SFXN2: variants seen among roughly 807,000 people sequenced by gnomAD.
SFXN2 encodes the protein sideroflexin 2.
Under a neutral mutation model 41.9 loss-of-function variants are expected in SFXN2, and 37 were observed. The observed-to-expected ratio is 0.88, with a 90% CI of 0.68 to 1.16. The LOEUF is 1.16. SFXN2 is among the 50% of genes most tolerant of loss of function. The probability of loss-of-function intolerance (pLI) is 0.00; values close to 1 mark genes in which losing one functional copy is unlikely to be tolerated. For synonymous variants in SFXN2, 150 were observed against 156.7 expected (o/e 0.96, Z 0.32); for missense variants, 386 against 425.2 (o/e 0.91, Z 0.81).
chr10:102,737,390 A>G (rs978264443), intron 11 of SFXN2, among the ~76,000 whole-genome samples: 7 of 152,130 alleles, frequency 4.6e-5, no homozygotes, highest in African/African-American at 1.7e-4. Context: ...CTCTAGTTCA[A>G]TACTACTTCC....
intron 8 of SFXN2, 140 bp downstream of exon 8, chr10:102,732,358 G>A: frequency 1.5e-6 from 1 of 689,096 alleles, no homozygotes; most frequent in East Asian, 2.6e-5. Context: ...ATTGCTGTAA[G>A]CCTAGAAGAA....
At chr10:102,737,046 T>C (rs934686439) in intron 11 of SFXN2, among the ~76,000 whole-genome samples, 6 of 151,882 alleles carry the variant, frequency 4.0e-5, no homozygotes, top group African/African-American at 1.4e-4. Flanking sequence ...CCCAGCTACT[T>C]GGGAAGCTGA....
At chr10:102,721,996 C>T (rs759322629) in intron 1 of SFXN2, among the ~76,000 whole-genome samples, 32 of 152,168 alleles carry the variant, frequency 2.1e-4, no homozygotes, top group Non-Finnish European at 3.7e-4. Context: ...TTGAGCCCTA[C>T]CTCTTCTTGC....
chr10:102,728,356 G>T, intron 3 of SFXN2, 75 bp from the exon 4 acceptor site: 1 of 1,150,102 alleles, frequency 8.7e-7, no homozygotes, highest in Non-Finnish European at 1.3e-6. Context: ...CAGATCATGT[G>T]CTTTGACTGG....
chr10:102,729,891 G>A, intron 6 of SFXN2, 83 bp downstream of exon 6: 1 of 1,476,238 alleles, frequency 6.8e-7, no homozygotes, highest in Non-Finnish European at 9.4e-7. Context: ...GGTGGCTTCT[G>A]GGGACTGCGG....
At chr10:102,730,419 T>G (rs568185537) in intron 6 of SFXN2, among the ~76,000 whole-genome samples, 6 of 152,372 alleles carry the variant, frequency 3.9e-5, no homozygotes, top group African/African-American at 1.4e-4. Flanking sequence ...TGTTCACTGT[T>G]ATTTCTACCA....
intron 5 of SFXN2, 47 bp downstream of exon 5, chr10:102,729,441 G>C: frequency 6.3e-7 from 1 of 1,599,402 alleles, no homozygotes; most frequent in African/African-American, 1.3e-5. Context: ...GGGGGCAGCA[G>C]AGTCCTAGGG....
chr10:102,735,055 C>T (rs2064754657), intron 10 of SFXN2, among the ~76,000 whole-genome samples: 1 of 151,848 alleles, frequency 6.6e-6, no homozygotes, highest in Admixed American at 6.6e-5. Flanking sequence ...ACTCACTCCT[C>T]CCCCTCCATA....
chr10:102,726,070 C>G (rs2064587781), intron 1 of SFXN2, among the ~76,000 whole-genome samples: 1 of 152,114 alleles, frequency 6.6e-6, no homozygotes, highest in South Asian at 2.1e-4. Context: ...CTGCCTCAGC[C>G]TCCTGAGTAG....
chr10:102,720,864 C>G (rs898200682), intron 1 of SFXN2, among the ~76,000 whole-genome samples: 1 of 152,176 alleles, frequency 6.6e-6, no homozygotes, highest in African/African-American at 2.4e-5. Flanking sequence ...ACACCATCTT[C>G]CAGCTCTTCA....
chr10:102,720,610 C>CAA (rs71474576), intron 1 of SFXN2, among the ~76,000 whole-genome samples: 5 of 127,892 alleles, frequency 3.9e-5, no homozygotes, highest in Non-Finnish European at 3.4e-5. Flanking sequence ...GACCCTGTCT[C>CAA]AAAAAAAAAA....
At position 102,739,077 on chromosome 10, in the gene SFXN2, A is replaced by G. The variant is rs1225863285; in HGVS notation, c.*1315A>G. 1.3e-5 allele frequency: 2 copies of G among 152,428 alleles called. No individual in the cohort carries two copies. The highest frequency in any genetic ancestry group is 4.8e-5 in the African/African-American group (2 of 41,446). 9.4% of individuals were successfully genotyped at this position (152,428 alleles called of 1,614,324 possible). A position where few individuals can be genotyped will look rare whatever the true frequency, so the allele number is the denominator to read the frequency against. On this transcript the variant is annotated 3_prime_UTR_variant, in exon 12 of 12. Transcript: ENST00000369893. ...GCTCCTTGGGGGACTGTTGTTTCTC[A>G]TCTGGAATCAATGTGTGTATGAGTT...
chr10:102,720,352 G>A (rs1223382270), intron 1 of SFXN2, among the ~76,000 whole-genome samples: 1 of 147,428 alleles, frequency 6.8e-6, no homozygotes, highest in African/African-American at 2.5e-5. Context: ...GCTCACTCCT[G>A]TAATCCCAGC....
rs768005944 is a variant in SFXN2, at chr10:102,729,286, G to T, written c.432-33G>T. 1.9e-6 allele frequency: 3 copies of T among 1,609,960 alleles called. No homozygotes were observed. The South Asian group carries it at 3.3e-5, about 18-fold the overall frequency. On this transcript the variant is annotated intron_variant, in intron 4 of 11. Transcript: ENST00000369893. ...GTGGTTTGGCCCTCAGCCGGCAGGG[G>T]CCCCACTCCCAAGCATCTCTCTCCT...
At chr10:102,737,132 C>T (rs1194837546) in intron 11 of SFXN2, among the ~76,000 whole-genome samples, 1 of 151,860 alleles carries the variant, frequency 6.6e-6, no homozygotes, top group Non-Finnish European at 1.5e-5. Context: ...CCAGCCTGGG[C>T]AACAAGAGTG....
intron 6 of SFXN2, 125 bp from the exon 7 acceptor site, chr10:102,731,598 G>T (rs997548482): frequency 1.9e-5 from 14 of 732,984 alleles, no homozygotes; most frequent in Admixed American, 1.3e-4. Context: ...AAGGTCAAAG[G>T]CCCAGGCTAC....
intron 3 of SFXN2, among the ~76,000 whole-genome samples, chr10:102,728,221 C>T (rs932066048): frequency 6.6e-6 from 1 of 152,120 alleles, no homozygotes; most frequent in African/African-American, 2.4e-5. Context: ...ATTGCTTGAA[C>T]CTGGGAGGCG....
At chr10:102,720,537 G>T (rs1266161486) in intron 1 of SFXN2, among the ~76,000 whole-genome samples, 1 of 151,864 alleles carries the variant, frequency 6.6e-6, no homozygotes, top group East Asian at 1.9e-4. Flanking sequence ...GAGCCTGGGA[G>T]GTGGAGGCTG....
Position 102,726,676 on chromosome 10 carries a change from C to G in SFXN2, c.40C>G (p.Arg14Gly). Reference sequence around the variant, plus strand: ...GTCTGGCTTTAACATCGATGCCCCCCGTTGGGACCAGCGCACCTTCCTGGG... The same window carrying G: ...GTCTGGCTTTAACATCGATGCCCCCGGTTGGGACCAGCGCACCTTCCTGGG... ...DLSGFNIDAPRWDQRTFLGRV... is the reference protein window; with the variant it reads ...DLSGFNIDAPGWDQRTFLGRV... Residue 14 changes from arginine to glycine, a missense_variant, in exon 2 of 12, where the codon CGT becomes GGT. Arg to Gly is a moderately radical substitution (Grantham distance 125). Transcript: ENST00000369893. 1 of 1,614,204 alleles carries G rather than the reference C, an allele frequency of 6.2e-7. No homozygotes were observed. The highest frequency in any genetic ancestry group is 8.5e-7 in the Non-Finnish European group (1 of 1,180,040).
Sources: allele counts gnomAD v4.1 joint callset (sites outside exome capture counted in the v4.1 genomes callset), GRCh38; gene constraint gnomAD v4.1.1; transcripts MANE v1.5; gene names NCBI Gene and HGNC (gene_info 2026-07-23, HGNC 2026-07-21).